DCLK1: variants seen among roughly 807,000 people sequenced by gnomAD.
DCLK1 encodes the protein doublecortin like kinase 1, also known as serine/threonine-protein kinase DCLK1.
A neutral mutation model predicts 86.2 loss-of-function variants in DCLK1; 16 were observed. The observed-to-expected ratio is 0.19, with a 90% CI of 0.13 to 0.28. The LOEUF is 0.28. Ranked by LOEUF, DCLK1 falls within the 10% of genes least tolerant of loss-of-function variation. The probability of loss-of-function intolerance (pLI) is 1.00; values close to 1 mark genes in which losing one functional copy is unlikely to be tolerated. For missense variants in DCLK1, 590 were observed against 940.2 expected (o/e 0.63, Z 4.87); for synonymous variants, 369 against 370.5 (o/e 1.00, Z 0.05).
rs141167852 is a variant in DCLK1, at chr13:35,838,817, A to G, written c.1120+275T>C. On this transcript the variant is annotated intron_variant, in intron 7 of 16. Coordinates refer to ENST00000360631, the MANE Select transcript of DCLK1 (RefSeq NM_001330071.2). ...GCCACGATCCCAGCGATCCCCTCTT[A>G]TTTCCAAAGCAGGCAATAGCTGGCC... 5.0e-3 allele frequency among the ~76,000 whole-genome samples: 757 copies of G among 152,284 alleles called. 3 individuals carry two copies. The highest frequency in any genetic ancestry group is 9.0e-3 in the Non-Finnish European group (609 of 68,020).
At chr13:36,085,455 T>C (rs929916219) in intron 3 of DCLK1, among the ~76,000 whole-genome samples, 1 of 152,182 alleles carries the variant, frequency 6.6e-6, no homozygotes, top group African/African-American at 2.4e-5. Context: ...TTAGTAGAGA[T>C]AAAAATTACT....
intron 2 of DCLK1, among the ~76,000 whole-genome samples, chr13:36,125,086 C>T (rs1886123788): frequency 6.6e-6 from 1 of 152,106 alleles, no homozygotes; most frequent in Non-Finnish European, 1.5e-5. Flanking sequence ...CATTAAATGT[C>T]TAAAACAGAT....
At chr13:35,858,453 G>C (rs927491108) in intron 5 of DCLK1, among the ~76,000 whole-genome samples, 2 of 152,164 alleles carry the variant, frequency 1.3e-5, no homozygotes, top group African/African-American at 4.8e-5. Flanking sequence ...CTTGTCCAAA[G>C]ACAAACAGCT....
intron 4 of DCLK1, among the ~76,000 whole-genome samples, chr13:35,943,142 T>C (rs139486286): frequency 1.8e-3 from 269 of 152,254 alleles, no homozygotes; most frequent in African/African-American, 6.1e-3. Context: ...CCTAATCCAA[T>C]AACTGGTGTC....
intron 10 of DCLK1, among the ~76,000 whole-genome samples, chr13:35,825,820 A>T (rs900574055): frequency 4.7e-5 from 7 of 150,176 alleles, no homozygotes; most frequent in African/African-American, 7.4e-5. Context: ...TTTCTTTTTT[A>T]TTTTTTTTTG....
At chr13:35,959,279 C>A (rs1304791569) in intron 3 of DCLK1, among the ~76,000 whole-genome samples, 1 of 152,116 alleles carries the variant, frequency 6.6e-6, no homozygotes, top group Non-Finnish European at 1.5e-5. Context: ...AAAGCATGAA[C>A]TAAGGCATAA....
At chr13:35,837,599 C>T (rs562077428) in intron 7 of DCLK1, among the ~76,000 whole-genome samples, 1 of 152,110 alleles carries the variant, frequency 6.6e-6, no homozygotes, top group Non-Finnish European at 1.5e-5. Context: ...AAGAAAGGAA[C>T]CCTCCTTGGC....
chr13:35,944,651 A>G (rs1877266654), intron 4 of DCLK1, among the ~76,000 whole-genome samples: 1 of 151,988 alleles, frequency 6.6e-6, no homozygotes, highest in Non-Finnish European at 1.5e-5. Flanking sequence ...TTCCATATCC[A>G]TGTGTTTCTT....
At chr13:35,812,219 T>C (rs952647890) in intron 11 of DCLK1, among the ~76,000 whole-genome samples, 1 of 152,192 alleles carries the variant, frequency 6.6e-6, no homozygotes, top group African/African-American at 2.4e-5. Flanking sequence ...AAAGAAAAGA[T>C]GAAAGGGCGT....
chr13:35,847,044 T>C, intron 6 of DCLK1: 1 of 985,216 alleles, frequency 1.0e-6, no homozygotes, highest in Non-Finnish European at 1.2e-6. Flanking sequence ...TTTTAGAGTA[T>C]AGTGATTGGC....
At chr13:35,878,402 A>C (rs1465077976) in intron 4 of DCLK1, among the ~76,000 whole-genome samples, 1 of 151,918 alleles carries the variant, frequency 6.6e-6, no homozygotes, top group Non-Finnish European at 1.5e-5. Flanking sequence ...CTCCCATCCT[A>C]CTGCCTGTGG....
chr13:35,885,776 G>C (rs958642645), intron 4 of DCLK1, among the ~76,000 whole-genome samples: 2 of 152,150 alleles, frequency 1.3e-5, no homozygotes, highest in Non-Finnish European at 2.9e-5. Flanking sequence ...AAATGAAAAT[G>C]ATCAGGGCCT....
chr13:35,847,514 T>C, intron 6 of DCLK1: 2 of 985,120 alleles, frequency 2.0e-6, no homozygotes, highest in Non-Finnish European at 1.2e-6. Context: ...ATGAAAAATT[T>C]AGCAGTCCAA....
At chr13:35,901,683 C>T (rs559675207) in intron 4 of DCLK1, among the ~76,000 whole-genome samples, 1 of 152,090 alleles carries the variant, frequency 6.6e-6, no homozygotes, top group Non-Finnish European at 1.5e-5. Context: ...GCCCAGCCTC[C>T]TCCACCAGGC....
At chr13:35,901,995 C>T (rs764105092) in intron 4 of DCLK1, among the ~76,000 whole-genome samples, 5 of 151,944 alleles carry the variant, frequency 3.3e-5, no homozygotes, top group East Asian at 1.9e-4. Flanking sequence ...CATAATAGAA[C>T]GGTTTATGTT....
intron 4 of DCLK1, among the ~76,000 whole-genome samples, chr13:35,885,942 A>C (rs928302873): frequency 1.3e-5 from 2 of 152,064 alleles, no homozygotes. Flanking sequence ...AGAGATGTAA[A>C]ATTATAGTAG....
intron 11 of DCLK1, among the ~76,000 whole-genome samples, chr13:35,816,229 G>A (rs17179990): frequency 0.023 from 3,486 of 152,212 alleles, 48 homozygotes; most frequent in African/African-American, 0.032. Flanking sequence ...TGTCATAGTA[G>A]GAAAATGATC....
chr13:35,920,085 C>A (rs1396202138), intron 4 of DCLK1, among the ~76,000 whole-genome samples: 1 of 152,146 alleles, frequency 6.6e-6, no homozygotes, highest in African/African-American at 2.4e-5. Flanking sequence ...GTGTTTCAAA[C>A]TTCACAATGT....
At chr13:35,893,748 G>A (rs1386353365) in intron 4 of DCLK1, among the ~76,000 whole-genome samples, 2 of 152,206 alleles carry the variant, frequency 1.3e-5, no homozygotes, top group African/African-American at 2.4e-5. Context: ...CTGTGATGCT[G>A]CTGTGCTGCT....
Sources: allele counts gnomAD v4.1 joint callset (sites outside exome capture counted in the v4.1 genomes callset), GRCh38; gene constraint gnomAD v4.1.1; transcripts MANE v1.5; gene names NCBI Gene and HGNC (gene_info 2026-07-23, HGNC 2026-07-21).